The following PAK1 variants were observed in gnomAD, a reference collection of about 807,000 sequenced individuals.
PAK1 encodes the protein serine/threonine-protein kinase PAK 1.
Under a neutral mutation model 67.4 loss-of-function variants are expected in PAK1, and 29 were observed. The ratio of observed to expected loss-of-function variants is 0.43; its 90% confidence interval spans 0.32 to 0.59. The LOEUF (loss-of-function observed/expected upper bound fraction) is 0.59, where lower values mean the gene tolerates loss of function less well. Ranked by LOEUF, PAK1 falls within the 20% of genes least tolerant of loss-of-function variation. The pLI, the probability that PAK1 is intolerant of heterozygous loss-of-function variation, is 0.07. For synonymous variants in PAK1, 223 were observed against 237.4 expected (o/e 0.94, Z 0.56); for missense variants, 337 against 670.7 (o/e 0.50, Z 5.50).
rs1453072840 is a variant in PAK1 at position 77,429,000 on chromosome 11, A to T, written c.-21-36459T>A. Among the ~76,000 whole-genome samples the T allele has an allele frequency of 2.7e-5, 4 of 148,536 alleles. No homozygotes were observed. The South Asian group carries it at 8.6e-4, about 32-fold the overall frequency. ...AAGGCCTGGGAGCAGCAATGGTCCA[A>T]TAACAATGAGCATTATCTAGGAACC... On this transcript the variant is annotated intron_variant, in intron 1 of 14. Coordinates refer to ENST00000356341, the MANE Select transcript of PAK1 (RefSeq NM_002576.5).
chr11:77,349,140 A>C (rs984145990), intron 9 of PAK1, 99 bp downstream of exon 9: 46 of 853,770 alleles, frequency 5.4e-5, no homozygotes, highest in Non-Finnish European at 7.7e-5. Flanking sequence ...AAAAAAAAAA[A>C]ACCTAGAACT....
chr11:77,341,057 C>T (rs1236405373), intron 10 of PAK1, among the ~76,000 whole-genome samples: 1 of 152,140 alleles, frequency 6.6e-6, no homozygotes, highest in African/African-American at 2.4e-5. Flanking sequence ...CATCACAACA[C>T]AAAGGAAGAC....
At chr11:77,471,897 G>A (rs11237198) in intron 1 of PAK1, among the ~76,000 whole-genome samples, 9,535 of 152,182 alleles carry the variant, frequency 0.063, 664 homozygotes, top group East Asian at 0.24. Context: ...TGTTATGGAT[G>A]AGGCAGGTCA....
chr11:77,460,233 G>A (rs981494209), intron 1 of PAK1, among the ~76,000 whole-genome samples: 1 of 150,732 alleles, frequency 6.6e-6, no homozygotes, highest in Non-Finnish European at 1.5e-5. Context: ...AAGAAGGAAG[G>A]GAGGAAGGGA....
intron 2 of PAK1, among the ~76,000 whole-genome samples, 192 bp downstream of exon 2, chr11:77,392,139 A>G (rs1951216744): frequency 6.6e-6 from 1 of 152,168 alleles, no homozygotes; most frequent in Admixed American, 6.5e-5. Flanking sequence ...TTGCTCAGAT[A>G]TAGTTAATAG....
chr11:77,453,936 A>T (rs1440523962), intron 1 of PAK1, among the ~76,000 whole-genome samples: 2 of 152,130 alleles, frequency 1.3e-5, no homozygotes, highest in Non-Finnish European at 2.9e-5. Flanking sequence ...CAAAAAAATT[A>T]ACTGGGTATG....
intron 1 of PAK1, among the ~76,000 whole-genome samples, chr11:77,446,628 T>C (rs899064270): frequency 4.6e-5 from 7 of 151,984 alleles, no homozygotes; most frequent in African/African-American, 1.7e-4. Context: ...TCTCATGTAC[T>C]TTCATGGTAA....
Position 77,323,142 on chromosome 11 carries a change from G to A in PAK1, c.*132C>T, listed in dbSNP as rs971812474. 2 of 1,534,094 alleles carry A rather than the reference G, an allele frequency of 1.3e-6. No individual in the cohort carries two copies. The highest frequency in any genetic ancestry group is 1.8e-6 in the Non-Finnish European group (2 of 1,132,828). On this transcript the variant is annotated 3_prime_UTR_variant, in exon 15 of 15. Coordinates refer to ENST00000356341, the MANE Select transcript of PAK1 (RefSeq NM_002576.5). ...GGACACACGGTTTCCAAGGATCAAA[G>A]TCTTGAGGAGTGCTAGATCAGGAAA... is the stretch of plus-strand genomic sequence containing the variant.
intron 2 of PAK1, 50 bp downstream of exon 2, chr11:77,392,281 A>G: frequency 7.6e-7 from 1 of 1,316,166 alleles, no homozygotes; most frequent in Non-Finnish European, 1.0e-6. Context: ...GTTACCCAAA[A>G]TAATTTTTTT....
chr11:77,526,099 C>A, the PAK1 span, among the ~76,000 whole-genome samples: 1 of 152,162 alleles, frequency 6.6e-6, no homozygotes, highest in East Asian at 1.9e-4. Context: ...CTACATCCAG[C>A]CTTGAAAACA....
At chr11:77,460,466 T>C (rs1349278239) in intron 1 of PAK1, among the ~76,000 whole-genome samples, 4 of 151,408 alleles carry the variant, frequency 2.6e-5, no homozygotes, top group Non-Finnish European at 5.9e-5. Context: ...GAAGTAGAAG[T>C]TGTAAATAGC....
At chr11:77,335,248 ACT>A (rs1942480400) in intron 13 of PAK1, among the ~76,000 whole-genome samples, 1 of 152,102 alleles carries the variant, frequency 6.6e-6, no homozygotes, top group Non-Finnish European at 1.5e-5. Flanking sequence ...ATATATACCA[ACT>A]ATATATTATC....
At chr11:77,384,943 A>G (rs1950271144) in intron 2 of PAK1, among the ~76,000 whole-genome samples, 1 of 152,190 alleles carries the variant, frequency 6.6e-6, no homozygotes, top group Non-Finnish European at 1.5e-5. Context: ...TTACTATATT[A>G]AGAAAATAAA....
At chr11:77,493,364 C>G in the PAK1 span, among the ~76,000 whole-genome samples, 1 of 150,066 alleles carries the variant, frequency 6.7e-6, no homozygotes, top group Non-Finnish European at 1.5e-5. Context: ...CTACAACCTC[C>G]ACCTCCCAGG....
chr11:77,398,807 T>C (rs1300380585), intron 1 of PAK1, among the ~76,000 whole-genome samples: 2 of 152,232 alleles, frequency 1.3e-5, no homozygotes, highest in East Asian at 3.8e-4. Context: ...TTTCCAACTA[T>C]ACTGTTCTTG....
the PAK1 span, among the ~76,000 whole-genome samples, chr11:77,484,589 G>T: frequency 1.6e-4 from 24 of 152,210 alleles, no homozygotes; most frequent in Admixed American, 6.5e-4. Flanking sequence ...GTTGGGCAGA[G>T]ATTGTCTTCC....
the PAK1 span, among the ~76,000 whole-genome samples, chr11:77,515,296 G>T: frequency 2.6e-5 from 4 of 152,154 alleles, no homozygotes; most frequent in African/African-American, 9.7e-5. Flanking sequence ...TCTCATTTGT[G>T]TCATGGCGGT....
chr11:77,406,468 T>C (rs138865258), intron 1 of PAK1, among the ~76,000 whole-genome samples: 2,076 of 152,328 alleles, frequency 0.014, 18 homozygotes, highest in Non-Finnish European at 0.017. Flanking sequence ...AGCAACTAAA[T>C]AGGACTTGGC....
At chr11:77,416,209 G>T (rs1954943690) in intron 1 of PAK1, among the ~76,000 whole-genome samples, 1 of 152,130 alleles carries the variant, frequency 6.6e-6, no homozygotes, top group Non-Finnish European at 1.5e-5. Flanking sequence ...CAGCTCCTAA[G>T]CTCAAGCTAT....
Sources: allele counts gnomAD v4.1 joint callset (sites outside exome capture counted in the v4.1 genomes callset), GRCh38; gene constraint gnomAD v4.1.1; transcripts MANE v1.5; gene names NCBI Gene and HGNC (gene_info 2026-07-23, HGNC 2026-07-21).